The following N4BP1 variants were observed in gnomAD, a reference collection of about 807,000 sequenced individuals.
The protein encoded by N4BP1 is NEDD4 binding protein 1, also known as NEDD4-binding protein 1.
Under a neutral mutation model 70.9 loss-of-function variants are expected in N4BP1, and 21 were observed. The ratio of observed to expected loss-of-function variants is 0.30; its 90% CI spans 0.21 to 0.43. The LOEUF is 0.43. Among genes scored for constraint, N4BP1 ranks in the 20% least tolerant of loss-of-function variants. The probability of loss-of-function intolerance (pLI) is 1.00; values close to 1 mark genes in which losing one functional copy is unlikely to be tolerated. For missense variants in N4BP1, 936 were observed against 1,069.4 expected, an observed-to-expected ratio of 0.88 and a Z score of 1.74; for synonymous variants, 387 against 394.6, an observed-to-expected ratio of 0.98 and a Z score of 0.23.
chr16:48,562,472 C>G (rs780491860), intron 1 of N4BP1, 28 bp from the exon 2 acceptor site: 1 of 1,544,326 alleles, frequency 6.5e-7, no homozygotes, highest in Non-Finnish European at 8.7e-7. Flanking sequence ...GAAATTAGGT[C>G]AATTTACAAA....
At chr16:48,558,564 G>T (rs1963793612) in intron 2 of N4BP1, among the ~76,000 whole-genome samples, 1 of 152,122 alleles carries the variant, frequency 6.6e-6, no homozygotes, top group Admixed American at 6.5e-5. Flanking sequence ...TACCCCAAAA[G>T]GTTTATAAAA....
intron 2 of N4BP1, among the ~76,000 whole-genome samples, chr16:48,555,528 C>T (rs1213620074): frequency 1.3e-5 from 2 of 152,200 alleles, no homozygotes; most frequent in African/African-American, 4.8e-5. Flanking sequence ...TTCAGAGGCT[C>T]TTACCCCAGA....
intron 1 of N4BP1, among the ~76,000 whole-genome samples, chr16:48,594,930 T>A (rs1404550004): frequency 6.6e-6 from 1 of 152,168 alleles, no homozygotes; most frequent in Non-Finnish European, 1.5e-5. Flanking sequence ...CTTGTTTTGA[T>A]CCTCTTTAGA....
chr16:48,608,479 C>A (rs1964620361), intron 1 of N4BP1, among the ~76,000 whole-genome samples: 1 of 152,098 alleles, frequency 6.6e-6, no homozygotes. Flanking sequence ...AAAAGAGGGC[C>A]CTTCCTGCCC....
chr16:48,541,785 A>T lies in N4BP1; in HGVS notation c.*1119T>A, dbSNP rs183997007. The T allele has an allele frequency of 1.4e-4, 21 of 152,782 alleles. No individual in the cohort carries two copies. The highest frequency in any genetic ancestry group is 5.1e-4 in the African/African-American group (21 of 41,584). 9.5% of individuals were successfully genotyped at this position (152,782 alleles called of 1,614,324 possible). ...TAGAACAGACAATATTAAGATATCAATTCTGAGAAAGACTCACAGGAAAGG... is the reference window on the plus strand; with the variant it reads ...TAGAACAGACAATATTAAGATATCATTTCTGAGAAAGACTCACAGGAAAGG... On this transcript the variant is annotated 3_prime_UTR_variant, in exon 7 of 7. Coordinates refer to ENST00000262384, the MANE Select transcript of N4BP1 (RefSeq NM_153029.4).
chr16:48,589,294 A>C (rs957268463), intron 1 of N4BP1, among the ~76,000 whole-genome samples: 1 of 152,156 alleles, frequency 6.6e-6, no homozygotes, highest in Admixed American at 6.5e-5. Context: ...GTCAGCAGAG[A>C]CCAAAGTAGG....
chr16:48,560,629 A>T, intron 2 of N4BP1, 125 bp downstream of exon 2: 1 of 1,300,166 alleles, frequency 7.7e-7, no homozygotes, highest in East Asian at 2.5e-5. Flanking sequence ...CCCCTCCACC[A>T]TCCGACCCTA....
intron 1 of N4BP1, among the ~76,000 whole-genome samples, chr16:48,570,374 C>G (rs1389435939): frequency 1.3e-5 from 2 of 152,156 alleles, no homozygotes; most frequent in African/African-American, 4.8e-5. Context: ...GAGACGGAGT[C>G]TCACTCTGTA....
intron 1 of N4BP1, among the ~76,000 whole-genome samples, chr16:48,588,087 A>G (rs573804813): frequency 3.3e-5 from 5 of 152,148 alleles, no homozygotes; most frequent in Non-Finnish European, 7.3e-5. Flanking sequence ...TTTCTTATGA[A>G]ATTTCCTGAG....
At chr16:48,588,011 A>G (rs1307150428) in intron 1 of N4BP1, among the ~76,000 whole-genome samples, 1 of 152,044 alleles carries the variant, frequency 6.6e-6, no homozygotes, top group Non-Finnish European at 1.5e-5. Flanking sequence ...AGAAGAGCCA[A>G]TAAGAACAGA....
intron 1 of N4BP1, among the ~76,000 whole-genome samples, chr16:48,602,580 TAAG>T (rs1186495907): frequency 2.0e-5 from 3 of 152,114 alleles, no homozygotes; most frequent in Non-Finnish European, 2.9e-5. Context: ...CACTGTTTCT[TAAG>T]AAGATGATTT....
rs143206140 is a variant in N4BP1 at position 48,577,602 on chromosome 16, T to C, written c.199-15158A>G. ...GGGTCTTGACGAGGTGGTCAGTGAA[T>C]TCCTCATAGGGAGACTTGGTGAACA... is the stretch of plus-strand genomic sequence containing the variant. On this transcript the variant is annotated intron_variant, in intron 1 of 6. Transcript: ENST00000262384. 3.4e-3 allele frequency: 734 copies of C among 216,904 alleles called. 9 individuals are homozygous for C. The highest frequency in any genetic ancestry group is 0.016 in the African/African-American group (705 of 43,482). 13.4% of individuals were successfully genotyped at this position (216,904 alleles called of 1,614,324 possible). A position where few individuals can be genotyped will look rare whatever the true frequency, so the allele number is the denominator to read the frequency against.
rs1963515451 is a variant in N4BP1 at position 48,542,414 on chromosome 16, C to CG, written c.*489dup. On this transcript the variant is annotated 3_prime_UTR_variant, in exon 7 of 7. Coordinates refer to ENST00000262384, the MANE Select transcript of N4BP1 (RefSeq NM_153029.4). ...AACCAACTCTTACCCACTTTAACTC[C>CG]GGGGGTGAGGGCAGAGGAGGCTGGA... 1 of 152,896 alleles carries CG rather than the reference C, an allele frequency of 6.5e-6. No homozygotes were observed. The allele number at this position is 152,896 out of a possible 1,614,324, so 9.5% of individuals were successfully genotyped here. A position where few individuals can be genotyped will look rare whatever the true frequency, so the allele number is the denominator to read the frequency against.
chr16:48,606,072 GCAA>G (rs1964577059), intron 1 of N4BP1, among the ~76,000 whole-genome samples: 1 of 152,134 alleles, frequency 6.6e-6, no homozygotes, highest in Non-Finnish European at 1.5e-5. Context: ...CCCCTAAGAG[GCAA>G]CGTGATTCTT....
Position 48,543,038 on chromosome 16 carries a change from C to T in N4BP1, c.2557G>A (p.Glu853Lys), listed in dbSNP as rs375076343. The change falls in exon 7 of 7, where the codon GAA (glutamate) becomes AAA (lysine). Residue 853 changes from glutamate to lysine, a missense_variant. By Grantham distance (56) the Glu-to-Lys change is moderately conservative. Transcript: ENST00000262384. ...AGGGCTTCCCTCAGCTCGTTGGTTTCTGCAGAAGATCTCTGAGCTGGCATG... is the reference window on the plus strand; with the variant it reads ...AGGGCTTCCCTCAGCTCGTTGGTTTTTGCAGAAGATCTCTGAGCTGGCATG... The part of the protein sequence containing the change: ...LPMPAQRSSA[E>K]TNELREALLK... 3.6e-5 allele frequency: 58 copies of T among 1,613,958 alleles called. No individual in the cohort carries two copies. Among genetic ancestry groups the T allele is most frequent in the Non-Finnish European group, 4.8e-5 (57 of 1,179,916 alleles).
chr16:48,552,078 C>G (rs1275462244), intron 3 of N4BP1, among the ~76,000 whole-genome samples: 3 of 151,998 alleles, frequency 2.0e-5, no homozygotes, highest in Admixed American at 2.0e-4. Flanking sequence ...GATAAGAGAC[C>G]CTGAGAGAGG....
At position 48,588,389 on chromosome 16, in the gene N4BP1, G is replaced by A. The variant is rs149179236; in HGVS notation, c.198+21386C>T. Among the ~76,000 whole-genome samples, 1,081 of 151,484 alleles carry A rather than the reference G, an allele frequency of 7.1e-3. 18 individuals carry two copies. The highest frequency in any genetic ancestry group is 0.025 in the African/African-American group (1,030 of 41,214). On this transcript the variant is annotated intron_variant, in intron 1 of 6. Transcript: ENST00000262384. ...GGCTCATGGCAACCTTCGCCTCTCA[G>A]GTTCAAGTGATTCTCCTGCCTCAGC...
chr16:48,600,183 T>C, intron 1 of N4BP1: 1 of 635,148 alleles, frequency 1.6e-6, no homozygotes, highest in Admixed American at 2.2e-5. Context: ...TGAAGTGTTA[T>C]TTCTGTTTGG....
intron 1 of N4BP1, among the ~76,000 whole-genome samples, chr16:48,585,212 CG>C (rs1184430860): frequency 1.3e-5 from 2 of 152,090 alleles, no homozygotes; most frequent in Non-Finnish European, 2.9e-5. Flanking sequence ...GGATTACAGG[CG>C]TGAGTCACGT....
Sources: allele counts gnomAD v4.1 joint callset (sites outside exome capture counted in the v4.1 genomes callset), GRCh38; gene constraint gnomAD v4.1.1; transcripts MANE v1.5; gene names NCBI Gene and HGNC (gene_info 2026-07-23, HGNC 2026-07-21).